Variants in PAFAH1B1 observed in about 807,000 individuals in gnomAD.
PAFAH1B1 encodes the protein platelet activating factor acetylhydrolase 1b regulatory subunit 1.
A neutral mutation model predicts 57.5 loss-of-function variants in PAFAH1B1; 2 were observed. The observed-to-expected ratio is 0.03, with a 90% confidence interval of 0.01 to 0.11. PAFAH1B1 has a LOEUF of 0.11. Among genes scored for constraint, PAFAH1B1 ranks in the 10% least tolerant of loss-of-function variants. PAFAH1B1 has a pLI of 1.00. For synonymous variants in PAFAH1B1, 152 were observed against 169.6 expected (o/e 0.90, Z 0.81); for missense variants, 257 against 512.0 (o/e 0.50, Z 4.81).
intron 2 of PAFAH1B1, among the ~76,000 whole-genome samples, chr17:2,652,855 T>C (rs889054114): frequency 2.0e-5 from 3 of 152,156 alleles, no homozygotes; most frequent in African/African-American, 7.2e-5. Flanking sequence ...TGGAAGTCAG[T>C]GTGGCGATTC....
At chr17:2,641,160 T>C (rs909185764) in intron 2 of PAFAH1B1, 13 of 152,350 alleles carry the variant, frequency 8.5e-5, no homozygotes, top group African/African-American at 2.7e-4. Context: ...TTGTTTTTGT[T>C]TTTTTGGGAG....
At chr17:2,657,863 C>T (rs2068958269) in intron 2 of PAFAH1B1, among the ~76,000 whole-genome samples, 1 of 152,130 alleles carries the variant, frequency 6.6e-6, no homozygotes, top group South Asian at 2.1e-4. Flanking sequence ...AAGCACTCAT[C>T]CCTTCTTCCT....
At chr17:2,625,830 C>T (rs2068482496) in intron 1 of PAFAH1B1, among the ~76,000 whole-genome samples, 1 of 152,054 alleles carries the variant, frequency 6.6e-6, no homozygotes, top group Non-Finnish European at 1.5e-5. Context: ...CCCAGCTACT[C>T]AGGAGGCTAA....
intron 2 of PAFAH1B1, among the ~76,000 whole-genome samples, chr17:2,648,642 C>T (rs1277504561): frequency 6.8e-6 from 1 of 148,050 alleles, no homozygotes. Flanking sequence ...CGTGCCATTG[C>T]ACTCCATGCT....
At chr17:2,620,635 C>T (rs920372431) in intron 1 of PAFAH1B1, among the ~76,000 whole-genome samples, 12 of 151,978 alleles carry the variant, frequency 7.9e-5, no homozygotes, top group South Asian at 2.1e-4. Flanking sequence ...AGGCCGAGGT[C>T]GGTAGATCAC....
intron 5 of PAFAH1B1, 76 bp downstream of exon 5, chr17:2,667,274 C>T (rs1453332273): frequency 1.2e-5 from 13 of 1,103,332 alleles, no homozygotes; most frequent in East Asian, 7.3e-5. Flanking sequence ...GCGGAGTTTG[C>T]AGTGAGCCGA....
At chr17:2,655,775 G>A (rs1235085018) in intron 2 of PAFAH1B1, among the ~76,000 whole-genome samples, 4 of 150,202 alleles carry the variant, frequency 2.7e-5, no homozygotes, top group South Asian at 2.1e-4. Flanking sequence ...CACATTACCC[G>A]ACCGATGTGA....
intron 2 of PAFAH1B1, among the ~76,000 whole-genome samples, chr17:2,656,674 G>A (rs1283237090): frequency 1.3e-5 from 2 of 152,152 alleles, no homozygotes; most frequent in Admixed American, 1.3e-4. Context: ...TTCTGGGGAT[G>A]CCTATTATGA....
At chr17:2,662,565 G>T (rs145250186) in intron 2 of PAFAH1B1, among the ~76,000 whole-genome samples, 72 of 151,552 alleles carry the variant, frequency 4.8e-4, no homozygotes, top group Non-Finnish European at 7.5e-4. Flanking sequence ...CACCATACCC[G>T]GCTAATTTTT....
chr17:2,595,409 C>G (rs2068073912), intron 1 of PAFAH1B1, among the ~76,000 whole-genome samples: 1 of 140,596 alleles, frequency 7.1e-6, no homozygotes, highest in African/African-American at 2.7e-5. Context: ...CTTTTTGCCA[C>G]AGGAGTGTTT....
chr17:2,638,598 C>T (rs564030633), intron 2 of PAFAH1B1: 2 of 353,846 alleles, frequency 5.7e-6, no homozygotes, highest in South Asian at 3.2e-5. Flanking sequence ...ACCTCCGCCT[C>T]CCAGGTTCAA....
intron 1 of PAFAH1B1, among the ~76,000 whole-genome samples, chr17:2,625,111 T>C (rs144392985): frequency 4.9e-4 from 74 of 152,266 alleles, no homozygotes; most frequent in African/African-American, 1.8e-3. Context: ...AGATGCTGCA[T>C]TGGATAGCAG....
intron 9 of PAFAH1B1, among the ~76,000 whole-genome samples, chr17:2,677,607 C>A (rs778635745): frequency 2.0e-5 from 3 of 152,196 alleles, no homozygotes; most frequent in Non-Finnish European, 4.4e-5. Flanking sequence ...GTAATCCCCG[C>A]ACTTTGGGAG....
intron 2 of PAFAH1B1, chr17:2,640,926 G>T (rs560903179): frequency 1.6e-4 from 24 of 152,148 alleles, no homozygotes; most frequent in African/African-American, 5.1e-4. Flanking sequence ...ACAAATAAGT[G>T]GGAAGTACTT....
At chr17:2,617,342 C>A (rs116622434) in intron 1 of PAFAH1B1, among the ~76,000 whole-genome samples, 2,149 of 152,116 alleles carry the variant, frequency 0.014, 27 homozygotes, top group African/African-American at 0.032. Context: ...AAACATTTTC[C>A]TATGTAAATT....
At chr17:2,626,164 C>T (rs979378236) in intron 1 of PAFAH1B1, among the ~76,000 whole-genome samples, 1 of 151,656 alleles carries the variant, frequency 6.6e-6, no homozygotes, top group Admixed American at 6.6e-5. Context: ...TGAGGCAAAA[C>T]AATCGCTTGA....
chr17:2,625,581 T>C (rs2068478967), intron 1 of PAFAH1B1, among the ~76,000 whole-genome samples: 1 of 152,326 alleles, frequency 6.6e-6, no homozygotes, highest in African/African-American at 2.4e-5. Context: ...GATTGTTCGT[T>C]GCAAAATATT....
chr17:2,637,725 TCTGTTTTACC>T (rs1050663290), intron 1 of PAFAH1B1, among the ~76,000 whole-genome samples: 17 of 152,262 alleles, frequency 1.1e-4, no homozygotes, highest in African/African-American at 3.9e-4. Flanking sequence ...GAAACCCTTA[TCTGTTTTACC>T]TTTTATACCT....
Position 2,628,006 on chromosome 17 carries a change from G to A in PAFAH1B1, c.-190-10093G>A, listed in dbSNP as rs552705121. On this transcript the variant is annotated intron_variant, in intron 1 of 10. Transcript: ENST00000397195. ...AGTCTTTAGGGTTTTCAAGGTAAAC[G>A]ATCATATCGTCAGCAAACAGTGACA... is the stretch of plus-strand genomic sequence containing the variant. Among the ~76,000 whole-genome samples, 206 of 152,232 alleles carry A rather than the reference G, an allele frequency of 1.4e-3. 1 individual carries two copies. The highest frequency in any genetic ancestry group is 6.8e-3 in the Middle Eastern group (2 of 292).
Sources: gnomAD v4.1 joint callset for allele counts (sites outside exome capture counted in the v4.1 genomes callset) on GRCh38, gnomAD v4.1.1 for gene constraint, MANE v1.5 for transcripts, NCBI Gene and HGNC (gene_info 2026-07-23, HGNC 2026-07-21) for gene names.